ANKRD17: variants seen among roughly 807,000 people sequenced by gnomAD.
ANKRD17 encodes the protein ankyrin repeat domain 17.
In ANKRD17, 19 loss-of-function variants were observed where a neutral mutation model predicts 229.7. The observed-to-expected ratio is 0.08, with a 90% CI of 0.06 to 0.12. ANKRD17 has a LOEUF of 0.12. Ranked by LOEUF, ANKRD17 falls within the 10% of genes least tolerant of loss-of-function variation. ANKRD17 has a pLI of 1.00. For missense variants in ANKRD17, 2,176 were observed against 3,176.8 expected, an observed-to-expected ratio of 0.68 and a Z score of 7.57; for synonymous variants, 1,112 against 1,146.1, an observed-to-expected ratio of 0.97 and a Z score of 0.60.
chr4:73,234,743 A>C (rs533068695), intron 1 of ANKRD17, among the ~76,000 whole-genome samples: 1 of 152,336 alleles, frequency 6.6e-6, no homozygotes, highest in East Asian at 1.9e-4. Flanking sequence ...TGCCCATACT[A>C]AACTGCTGAC....
intron 15 of ANKRD17, among the ~76,000 whole-genome samples, chr4:73,138,813 A>T (rs892098980): frequency 1.3e-5 from 2 of 152,182 alleles, no homozygotes; most frequent in African/African-American, 4.8e-5. Flanking sequence ...CTAGAAGCAT[A>T]AAAACAGTCT....
intron 1 of ANKRD17, among the ~76,000 whole-genome samples, chr4:73,218,816 A>T (rs1741462415): frequency 1.3e-5 from 2 of 152,038 alleles, no homozygotes; most frequent in Non-Finnish European, 2.9e-5. Flanking sequence ...GTAATCCCAC[A>T]CTTTGAGAGG....
chr4:73,083,249 C>T (rs139489110), intron 30 of ANKRD17, among the ~76,000 whole-genome samples: 13 of 152,272 alleles, frequency 8.5e-5, no homozygotes, highest in South Asian at 6.2e-4. Flanking sequence ...CTATAAAAAA[C>T]GTTTTGGAAT....
chr4:73,120,628 T>G (rs1726602450), intron 20 of ANKRD17, among the ~76,000 whole-genome samples: 1 of 151,974 alleles, frequency 6.6e-6, no homozygotes, highest in Non-Finnish European at 1.5e-5. Context: ...AATGTTCCAT[T>G]CCCTTCCTTT....
chr4:73,249,748 T>C (rs1744819211), intron 1 of ANKRD17, among the ~76,000 whole-genome samples: 1 of 152,146 alleles, frequency 6.6e-6, no homozygotes, highest in Non-Finnish European at 1.5e-5. Context: ...CCCAGCTACC[T>C]GGGAGGCTGA....
At chr4:73,133,263 T>C (rs1728462043) in intron 16 of ANKRD17, among the ~76,000 whole-genome samples, 1 of 149,318 alleles carries the variant, frequency 6.7e-6, no homozygotes, top group African/African-American at 2.5e-5. Context: ...AAAAAAAAAA[T>C]AAAAAGCCTC....
At chr4:73,240,606 C>T (rs1449771829) in intron 1 of ANKRD17, among the ~76,000 whole-genome samples, 1 of 151,968 alleles carries the variant, frequency 6.6e-6, no homozygotes, top group East Asian at 1.9e-4. Context: ...GCCTATGCAA[C>T]AGAGCAAGAC....
At chr4:73,142,601 A>G (rs1282260398) in intron 12 of ANKRD17, 39 bp downstream of exon 12, 1 of 1,613,496 alleles carries the variant, frequency 6.2e-7, no homozygotes, top group African/African-American at 1.3e-5. Context: ...AGAGAGAAAT[A>G]CTAATTCACA....
intron 2 of ANKRD17, among the ~76,000 whole-genome samples, chr4:73,174,146 C>T (rs567435595): frequency 1.2e-5 from 1 of 83,580 alleles, no homozygotes; most frequent in South Asian, 5.0e-4. Flanking sequence ...AGGAAGAAAA[C>T]TACAGATCCC....
chr4:73,127,749 CT>C (rs2148735728), intron 16 of ANKRD17, among the ~76,000 whole-genome samples: 2 of 152,186 alleles, frequency 1.3e-5, no homozygotes, highest in African/African-American at 4.8e-5. Context: ...AAGCAAGGGA[CT>C]ATATATGTAG....
intron 15 of ANKRD17, among the ~76,000 whole-genome samples, chr4:73,137,524 C>T (rs1429489941): frequency 6.6e-6 from 1 of 152,086 alleles, no homozygotes; most frequent in Non-Finnish European, 1.5e-5. Flanking sequence ...TGGAAATCAT[C>T]ATTAAGCAAC....
At chr4:73,103,049 T>C (rs1724198584) in intron 24 of ANKRD17, among the ~76,000 whole-genome samples, 1 of 152,040 alleles carries the variant, frequency 6.6e-6, no homozygotes, top group Non-Finnish European at 1.5e-5. Context: ...GGTTCAGCAA[T>C]TTTCTTTGCA....
At chr4:73,149,816 G>A (rs1272187895) in intron 7 of ANKRD17, among the ~76,000 whole-genome samples, 1 of 152,136 alleles carries the variant, frequency 6.6e-6, no homozygotes, top group African/African-American at 2.4e-5. Context: ...AGTGAGCTAT[G>A]ATCATGCGAC....
chr4:73,158,187 A>AGAAAGAAAGAAAGAAAGAAAGAAAGAAAG (rs1732012799), intron 3 of ANKRD17, among the ~76,000 whole-genome samples: 6 of 112,356 alleles, frequency 5.3e-5, no homozygotes, highest in Admixed American at 1.8e-4. Flanking sequence ...AAAGAAAGAA[A>AGAAAGAAAGAAAGAAAGAAAGAAAGAAAG]GAGAGAGAAA....
chr4:73,238,918 A>G (rs1743758955), intron 1 of ANKRD17, among the ~76,000 whole-genome samples: 1 of 152,116 alleles, frequency 6.6e-6, no homozygotes, highest in Non-Finnish European at 1.5e-5. Flanking sequence ...TTTCAACTAC[A>G]AAGTGTAGAT....
rs767369221 is a variant in ANKRD17, at chr4:73,139,703, T to TGGAGGCAAGGGACCTGCCGCC, written c.2892_2912dup (p.Ala965_Pro971dup). Reference sequence around the variant, plus strand: ...GTTCTGTAAGATTTGCGATGGACCCTGGAGGCAAGGGACCTGCCGCCAGAG... The same window carrying TGGAGGCAAGGGACCTGCCGCC: ...GTTCTGTAAGATTTGCGATGGACCCTGGAGGCAAGGGACCTGCCGCCGGAGGCAAGGGACCTGCCGCCAGAG... On this transcript the variant is annotated inframe_insertion, in exon 15 of 34. Transcript: ENST00000358602. 6.2e-7 allele frequency: 1 copy of TGGAGGCAAGGGACCTGCCGCC among 1,614,198 alleles called. No individual in the cohort carries two copies. Among genetic ancestry groups the TGGAGGCAAGGGACCTGCCGCC allele is most frequent in the Non-Finnish European group, 8.5e-7 (1 of 1,180,034 alleles).
intron 1 of ANKRD17, among the ~76,000 whole-genome samples, chr4:73,226,364 T>C (rs1742495939): frequency 6.7e-6 from 1 of 149,434 alleles, no homozygotes; most frequent in Non-Finnish European, 1.5e-5. Context: ...TTATTGCTAC[T>C]AATAGTAATA....
At chr4:73,142,419 GAAGAAAAAT>G in intron 12 of ANKRD17, 34 bp from the exon 13 acceptor site, 1 of 1,582,704 alleles carries the variant, frequency 6.3e-7, no homozygotes, top group Non-Finnish European at 8.5e-7. Flanking sequence ...GAAAAAAAGT[GAAGAAAAAT>G]AAGTTAGTTT....
rs371831161 is a variant in ANKRD17 at position 73,073,540 on chromosome 4, C to A, written c.*2691G>T. 6.6e-6 allele frequency: 1 copy of A among 151,902 alleles called. No homozygotes were observed. The highest frequency in any genetic ancestry group is 1.5e-5 in the Non-Finnish European group (1 of 67,898). The allele number at this position is 151,902 out of a possible 1,614,324, so 9.4% of individuals were successfully genotyped here. On this transcript the variant is annotated 3_prime_UTR_variant, in exon 34 of 34. Transcript: ENST00000358602. ...TTATTTGAGTCAAAACACGGATGGA[C>A]TATTATTTTTGTGAAGAACAAGACA...
Sources: gnomAD v4.1 joint callset for allele counts (sites outside exome capture counted in the v4.1 genomes callset) on GRCh38, gnomAD v4.1.1 for gene constraint, MANE v1.5 for transcripts, NCBI Gene and HGNC (gene_info 2026-07-23, HGNC 2026-07-21) for gene names.